Variants in LYST observed in about 807,000 individuals in gnomAD.
LYST encodes lysosomal-trafficking regulator.
In LYST, 192 loss-of-function variants were observed where a neutral mutation model predicts 413.6. That is an observed-to-expected ratio of 0.46 (90% CI 0.41 to 0.52). The LOEUF (loss-of-function observed/expected upper bound fraction) is 0.52. LYST is among the 20% of genes least tolerant of loss of function. The pLI is 0.00. For missense variants in LYST, 3,815 were observed against 4,499.9 expected (o/e 0.85, Z 4.35); for synonymous variants, 1,525 against 1,567.3 (o/e 0.97, Z 0.64).
rs1410814574 is a variant in LYST at position 235,734,522 on chromosome 1, A to G, written c.8496T>C (p.Ser2832=). Residue 2832 remains serine (S), a synonymous_variant, in exon 32 of 53, where the codon AGT becomes AGC. Transcript: ENST00000389793. ...TAATAAGGTCTGCTTTTGTTGATGC[A>G]CTGGGAGGGATGCACTTGTGACCAC... ...KLCGHKCIPP[S]ASTKADLIKM... is the part of the protein sequence containing the mutation. The G allele has an allele frequency of 3.7e-6, 6 of 1,613,764 alleles. No homozygotes were observed. The highest frequency in any genetic ancestry group is 4.2e-6 in the Non-Finnish European group (5 of 1,179,730).
rs552690643 is a variant in LYST at position 235,782,180 on chromosome 1, CT to C, written c.4863-94del. 0.22 allele frequency: 171,368 copies of C among 764,410 alleles called. 313 individuals carry two copies. The highest frequency in any genetic ancestry group is 0.28 in the South Asian group (13,958 of 50,268). The allele number at this position is 764,410 out of a possible 1,614,324, so 47.4% of individuals were successfully genotyped here. A position where few individuals can be genotyped will look rare whatever the true frequency, so the allele number is the denominator to read the frequency against. On this transcript the variant is annotated intron_variant, in intron 14 of 52. Coordinates refer to ENST00000389793, the MANE Select transcript of LYST (RefSeq NM_000081.4). ...TATGAATATTTAACAATGGGGAATT[CT>C]TTTTTTTTTTTTTTGGAGACAGAGT...
At chr1:235,767,368 C>T (rs554505943) in intron 20 of LYST, among the ~76,000 whole-genome samples, 31 of 152,228 alleles carry the variant, frequency 2.0e-4, no homozygotes, top group African/African-American at 7.5e-4. Context: ...GAAGGGAACA[C>T]TGAGTCTACA....
rs901014876 is a variant in LYST at position 235,873,183 on chromosome 1, C to T, written n.454+10004G>A. Reference sequence around the variant, plus strand: ...GTATTGTGTTGAGTCCTGACATAAACATCAGAAACTATTTCCTTGAGATGA... The same window carrying T: ...GTATTGTGTTGAGTCCTGACATAAATATCAGAAACTATTTCCTTGAGATGA... On this transcript the variant is annotated intron_variant and non_coding_transcript_variant, in intron 1 of 11. Transcript: ENST00000465349. Among the ~76,000 whole-genome samples the T allele has an allele frequency of 3.9e-5, 6 of 152,156 alleles. No homozygotes were observed. The East Asian group carries it at 9.6e-4, about 24-fold the overall frequency.
intron 1 of LYST, among the ~76,000 whole-genome samples, chr1:235,876,069 A>G (rs1681119134): frequency 6.6e-6 from 1 of 151,862 alleles, no homozygotes. Context: ...CTAAAAATAC[A>G]AAAATTAGCC....
At chr1:235,827,676 A>G in intron 3 of LYST, 1 of 983,180 alleles carries the variant, frequency 1.0e-6, no homozygotes, top group Non-Finnish European at 1.2e-6. Flanking sequence ...AGGCACATCT[A>G]CTGTTCCTAC....
Position 235,804,607 on chromosome 1 carries a change from A to G in LYST, c.3452T>C (p.Val1151Ala). The G allele has an allele frequency of 4.3e-6, 7 of 1,611,130 alleles. No individual in the cohort carries two copies. The highest frequency in any genetic ancestry group is 5.9e-6 in the Non-Finnish European group (7 of 1,177,364). Reference protein sequence around the residue: ...EMRDHLSQSKVIETQLAKPLF... With the variant: ...EMRDHLSQSKAIETQLAKPLF... The stretch of plus-strand genomic sequence containing the variant: ...AGGCTTTGCTAGTTGTGTTTCAATC[A>G]CCTTTGACTGGGAAAGATGGTCCCT... The change falls in exon 7 of 53, where the codon GTG becomes GCG. Residue 1151 changes from valine to alanine, a missense_variant. Around this residue, in one of 4 missense-constraint regions of LYST, gnomAD observed 1,648 missense variants for 1,810.3 expected, o/e 0.91. Coordinates refer to ENST00000389793, the MANE Select transcript of LYST (RefSeq NM_000081.4).
At chr1:235,671,753 A>T (rs899919671) in intron 50 of LYST, among the ~76,000 whole-genome samples, 1 of 152,232 alleles carries the variant, frequency 6.6e-6, no homozygotes, top group Non-Finnish European at 1.5e-5. Flanking sequence ...TGACATAAGG[A>T]AGAAAGCCAG....
intron 52 of LYST, among the ~76,000 whole-genome samples, 195 bp downstream of exon 52, chr1:235,663,789 T>A (rs989728838): frequency 6.6e-6 from 1 of 152,208 alleles, no homozygotes; most frequent in African/African-American, 2.4e-5. Flanking sequence ...TGACTCGGAT[T>A]TTAAGCTCCA....
intron 48 of LYST, among the ~76,000 whole-genome samples, chr1:235,677,832 C>T (rs1438810344): frequency 6.6e-6 from 1 of 152,072 alleles, no homozygotes; most frequent in Non-Finnish European, 1.5e-5. Context: ...CTATTCTTGT[C>T]CAATCTTTGT....
At chr1:235,692,621 C>T (rs947811558) in intron 47 of LYST, among the ~76,000 whole-genome samples, 7 of 151,882 alleles carry the variant, frequency 4.6e-5, no homozygotes, top group African/African-American at 1.4e-4. Context: ...TGACCTCAGG[C>T]GATCTGCCCG....
intron 22 of LYST, 147 bp from the exon 23 acceptor site, chr1:235,759,746 C>T: frequency 1.5e-6 from 1 of 657,282 alleles, no homozygotes; most frequent in Admixed American, 2.6e-5. Context: ...GTAACTAATG[C>T]TTAAAATTCC....
chr1:235,669,949 T>A (rs1558099285), intron 50 of LYST, among the ~76,000 whole-genome samples: 1 of 152,140 alleles, frequency 6.6e-6, no homozygotes, highest in Non-Finnish European at 1.5e-5. Flanking sequence ...AAAACCTTCA[T>A]AAAGTTCCTA....
chr1:235,785,790 T>C lies in LYST; in HGVS notation c.4862+1410A>G, dbSNP rs573943741. On this transcript the variant is annotated intron_variant, in intron 14 of 52. Transcript: ENST00000389793. ...GTTTCGAATTCTCTATCTTCTTTCA[T>C]GCTACTTCATTCAATACAATACTTC... is the stretch of plus-strand genomic sequence containing the variant. Among the ~76,000 whole-genome samples, 76 of 152,338 alleles carry C rather than the reference T, an allele frequency of 5.0e-4. 3 individuals carry two copies. The South Asian group carries it at 0.016, about 31-fold the overall frequency.
At chr1:235,723,647 G>A (rs375015154) in intron 39 of LYST, among the ~76,000 whole-genome samples, 2 of 152,192 alleles carry the variant, frequency 1.3e-5, no homozygotes, top group African/African-American at 4.8e-5. Flanking sequence ...CGAGAGTGGT[G>A]AGAAGTCTGT....
intron 28 of LYST, 48 bp downstream of exon 28, chr1:235,751,162 C>T (rs761634763): frequency 1.9e-6 from 3 of 1,571,232 alleles, no homozygotes; most frequent in African/African-American, 2.7e-5. Context: ...ATAGGAAAGT[C>T]AAGCTAGCCT....
chr1:235,758,887 T>C (rs1246205994), intron 23 of LYST, 85 bp downstream of exon 23: 37 of 1,200,596 alleles, frequency 3.1e-5, no homozygotes, highest in Non-Finnish European at 4.6e-5. Context: ...ATAAGTGGCA[T>C]AATGAAGACG....
chr1:235,752,599 C>T (rs1388324454), intron 26 of LYST, among the ~76,000 whole-genome samples: 1 of 152,022 alleles, frequency 6.6e-6, no homozygotes, highest in Non-Finnish European at 1.5e-5. Flanking sequence ...ATTAATTAAC[C>T]TCTCTGAATC....
intron 21 of LYST, among the ~76,000 whole-genome samples, chr1:235,764,740 T>C (rs1306048698): frequency 6.6e-6 from 1 of 151,896 alleles, no homozygotes; most frequent in African/African-American, 2.4e-5. Context: ...TGACCTCAGG[T>C]AATCTGCCTG....
chr1:235,680,348 T>TGG (rs1015683605), intron 48 of LYST, among the ~76,000 whole-genome samples: 1 of 152,132 alleles, frequency 6.6e-6, no homozygotes, highest in African/African-American at 2.4e-5. Context: ...CTCAAACTCC[T>TGG]GGGCTTAAGT....
Sources: allele counts gnomAD v4.1 joint callset (sites outside exome capture counted in the v4.1 genomes callset), GRCh38; gene constraint gnomAD v4.1.1; regional missense constraint gnomAD v4.1.1; transcripts MANE v1.5; gene names NCBI Gene and HGNC (gene_info 2026-07-23, HGNC 2026-07-21).